The following SRCIN1 variants were observed in gnomAD, a reference collection of about 807,000 sequenced individuals.
The protein encoded by SRCIN1 is SRC kinase signaling inhibitor 1, also known as P130Cas-associated protein.
SRCIN1 carries 50 observed loss-of-function variants against 116.2 expected under a neutral mutation model. The observed-to-expected ratio is 0.43, with a 90% CI of 0.34 to 0.54. The LOEUF (loss-of-function observed/expected upper bound fraction) is 0.54, where lower values mean the gene tolerates loss of function less well. SRCIN1 is among the 20% of genes least tolerant of loss of function. The pLI, the probability that SRCIN1 is intolerant of heterozygous loss-of-function variation, is 0.02. For missense variants in SRCIN1, 1,446 were observed against 1,672.0 expected (o/e 0.86, Z 2.36); for synonymous variants, 736 against 750.0 (o/e 0.98, Z 0.30).
In SRCIN1 at chr17:38,543,806, A is replaced by C. The variant is rs779644213; in HGVS notation, c.3417+17T>G. ...AGCAGAGTGGGCCTGGGTGGCCCCCACAGTCCCCGCCCTCACCTGCTGCTG... is the reference window on the plus strand; with the variant it reads ...AGCAGAGTGGGCCTGGGTGGCCCCCCCAGTCCCCGCCCTCACCTGCTGCTG... On this transcript the variant is annotated intron_variant, in intron 18 of 18. Coordinates refer to ENST00000617146, the MANE Select transcript of SRCIN1 (RefSeq NM_025248.3). 5 of 1,601,446 alleles carry C rather than the reference A, an allele frequency of 3.1e-6. No individual in the cohort carries two copies. The highest frequency in any genetic ancestry group is 4.2e-6 in the Non-Finnish European group (5 of 1,178,528).
chr17:38,535,871 G>A (rs1171464993), intron 18 of SRCIN1, among the ~76,000 whole-genome samples: 3 of 152,150 alleles, frequency 2.0e-5, no homozygotes, highest in African/African-American at 7.2e-5. Context: ...CTCCCCGGTT[G>A]TCCTTTTCCC....
chr17:38,548,551 A>C lies in SRCIN1; in HGVS notation c.3270+6T>G, dbSNP rs541146656. On this transcript the variant is annotated splice_donor_region_variant and intron_variant, in intron 17 of 18. Transcript: ENST00000617146. Reference sequence around the variant, plus strand: ...GACCTTGGGGGCCAGGTGTGCCCTGACCTACCTCTAGCTCTGCGATGATGC... The same window carrying C: ...GACCTTGGGGGCCAGGTGTGCCCTGCCCTACCTCTAGCTCTGCGATGATGC... 1 of 1,609,664 alleles carries C rather than the reference A, an allele frequency of 6.2e-7. No individual in the cohort carries two copies. The highest frequency in any genetic ancestry group is 1.1e-5 in the South Asian group (1 of 91,052).
intron 2 of SRCIN1, among the ~76,000 whole-genome samples, chr17:38,569,011 A>C (rs1435213418): frequency 6.6e-6 from 1 of 152,094 alleles, no homozygotes; most frequent in Non-Finnish European, 1.5e-5. Context: ...TTTACAGAGC[A>C]GAGTGGCCAG....
intron 18 of SRCIN1, among the ~76,000 whole-genome samples, chr17:38,536,129 C>T (rs1904365208): frequency 1.3e-5 from 2 of 152,196 alleles, no homozygotes; most frequent in Admixed American, 1.3e-4. Flanking sequence ...TCGTCCCCGT[C>T]CCGCTTCTTC....
chr17:38,535,044 A>G (rs1025602575), intron 18 of SRCIN1, among the ~76,000 whole-genome samples: 2 of 152,060 alleles, frequency 1.3e-5, no homozygotes, highest in Admixed American at 6.6e-5. Context: ...AGGTGGGAGA[A>G]TGGCCTGAGC....
chr17:38,560,976 G>A (rs1445611859), intron 7 of SRCIN1, among the ~76,000 whole-genome samples: 3 of 152,250 alleles, frequency 2.0e-5, no homozygotes, highest in African/African-American at 7.2e-5. Flanking sequence ...GGAGGGGACT[G>A]AGCGATGGGC....
chr17:38,533,320 T>C lies in SRCIN1; in HGVS notation c.3529A>G (p.Arg1177Gly). 1 of 1,579,606 alleles carries C rather than the reference T, an allele frequency of 6.3e-7. No individual in the cohort carries two copies. Among genetic ancestry groups the C allele is most frequent in the Non-Finnish European group, 8.6e-7 (1 of 1,162,022 alleles). Residue 1177 changes from arginine to glycine, a missense_variant, in exon 19 of 19, where the codon AGG (arginine) becomes GGG (glycine). Arg to Gly is a moderately radical substitution (Grantham distance 125). Transcript: ENST00000617146. ...TTCTAGAAGGAGATGGAAGAATTCC[T>C]TGCCCCAAAGGAAGTCAATACAGGG... ...SIPVLTSFGA[R>G]NSSISF is the part of the protein sequence containing the mutation.
intron 2 of SRCIN1, among the ~76,000 whole-genome samples, chr17:38,573,518 C>T (rs1907224614): frequency 6.6e-6 from 1 of 152,182 alleles, no homozygotes; most frequent in African/African-American, 2.4e-5. Context: ...TCTGCTCAAG[C>T]GCTCCCCTTT....
chr17:38,561,298 G>A (rs1396413516), intron 7 of SRCIN1, among the ~76,000 whole-genome samples, 165 bp downstream of exon 7: 1 of 152,136 alleles, frequency 6.6e-6, no homozygotes, highest in African/African-American at 2.4e-5. Context: ...TGCCCTCTCT[G>A]CCACATCCAA....
At position 38,562,462 on chromosome 17, in the gene SRCIN1, G is replaced by T; in HGVS notation, c.835-134C>A. 9.1e-7 allele frequency: 1 copy of T among 1,102,816 alleles called. No individual in the cohort carries two copies. The highest frequency in any genetic ancestry group is 1.2e-6 in the Non-Finnish European group (1 of 819,658). 68.3% of individuals were successfully genotyped at this position (1,102,816 alleles called of 1,614,324 possible). Reference sequence around the variant, plus strand: ...CTCTCTGCCCTCCCTCCATCCTGCTGCGTCTAGGGTCCCTTTCCCATCAGG... The same window carrying T: ...CTCTCTGCCCTCCCTCCATCCTGCTTCGTCTAGGGTCCCTTTCCCATCAGG... On this transcript the variant is annotated intron_variant, in intron 6 of 18. Coordinates refer to ENST00000617146, the MANE Select transcript of SRCIN1 (RefSeq NM_025248.3). This position sits in a 1 kb window ranked among gnomAD's most constrained non-coding sequence, Gnocchi z 4.2.
intron 1 of SRCIN1, among the ~76,000 whole-genome samples, chr17:38,583,136 T>G (rs1266807805): frequency 6.6e-6 from 1 of 151,664 alleles, no homozygotes; most frequent in Non-Finnish European, 1.5e-5. Context: ...GTGGCGCGAT[T>G]ATGGCTCAGT....
intron 1 of SRCIN1, among the ~76,000 whole-genome samples, chr17:38,596,960 T>G (rs1908759814): frequency 6.6e-6 from 1 of 152,168 alleles, no homozygotes; most frequent in Non-Finnish European, 1.5e-5. Flanking sequence ...CCTATTAGCC[T>G]TTTACCCTGG....
intron 1 of SRCIN1, among the ~76,000 whole-genome samples, chr17:38,599,238 A>G (rs932017893): frequency 6.6e-6 from 1 of 152,152 alleles, no homozygotes; most frequent in Non-Finnish European, 1.5e-5. Context: ...GGGGGCAACT[A>G]AATTGCCAAG....
intron 1 of SRCIN1, among the ~76,000 whole-genome samples, chr17:38,601,820 C>A (rs1443235930): frequency 6.6e-6 from 1 of 151,960 alleles, no homozygotes; most frequent in Non-Finnish European, 1.5e-5. Flanking sequence ...AGACAGTCCT[C>A]GAAAGCAGGG....
chr17:38,565,167 A>G (rs1474489534), intron 3 of SRCIN1, among the ~76,000 whole-genome samples: 1 of 152,176 alleles, frequency 6.6e-6, no homozygotes, highest in Non-Finnish European at 1.5e-5. Context: ...AGGGGGAGTC[A>G]GGATGATTTC....
intron 10 of SRCIN1, chr17:38,559,171 A>G (rs982623296): frequency 7.7e-5 from 17 of 220,474 alleles, no homozygotes; most frequent in Non-Finnish European, 1.5e-4. Context: ...GGGGCTCAGG[A>G]GGGAGGAGCT....
chr17:38,571,394 A>G (rs1298959745), intron 2 of SRCIN1, among the ~76,000 whole-genome samples: 1 of 152,164 alleles, frequency 6.6e-6, no homozygotes, highest in Admixed American at 6.5e-5. Context: ...GGATCTCTGA[A>G]TACTCTGGTC....
At chr17:38,536,126 C>T (rs1301411583) in intron 18 of SRCIN1, among the ~76,000 whole-genome samples, 1 of 152,200 alleles carries the variant, frequency 6.6e-6, no homozygotes, top group Non-Finnish European at 1.5e-5. Context: ...GCCTCGTCCC[C>T]GTCCCGCTTC....
chr17:38,537,444 G>T (rs11655627), intron 18 of SRCIN1, among the ~76,000 whole-genome samples: 94,806 of 151,752 alleles, frequency 0.62, 31,989 homozygotes, highest in African/African-American at 0.89. Flanking sequence ...GAGGCTGCAG[G>T]GAGCAGAGAT....
Sources: gnomAD v4.1 joint callset for allele counts (sites outside exome capture counted in the v4.1 genomes callset) on GRCh38, gnomAD v4.1.1 for gene constraint, Gnocchi (gnomAD v3.1) non-coding constraint, MANE v1.5 for transcripts, NCBI Gene and HGNC (gene_info 2026-07-23, HGNC 2026-07-21) for gene names.